Variants in VWC2L observed in about 807,000 individuals in gnomAD.
The protein encoded by VWC2L is von Willebrand factor C domain-containing protein 2-like.
In VWC2L, 10 loss-of-function variants were observed where a neutral mutation model predicts 21.6. The observed-to-expected ratio is 0.46, with a 90% CI of 0.29 to 0.78. VWC2L has a LOEUF of 0.78. VWC2L is among the 30% of genes least tolerant of loss of function. VWC2L has a pLI of 0.10. For missense variants in VWC2L, 209 were observed against 277.1 expected (o/e 0.75, Z 1.74); for synonymous variants, 96 against 94.3 (o/e 1.02, Z -0.10).
chr2:214,578,545 C>A lies in VWC2L; in HGVS notation c.*2725C>A, dbSNP rs1012424019. 6.6e-6 allele frequency: 1 copy of A among 152,240 alleles called. No individual in the cohort carries two copies. Among genetic ancestry groups the A allele is most frequent in the South Asian group, 2.1e-4 (1 of 4,822 alleles). The allele number at this position is 152,240 out of a possible 1,614,324, so 9.4% of individuals were successfully genotyped here. On this transcript the variant is annotated 3_prime_UTR_variant, in exon 4 of 4. Transcript: ENST00000312504. Reference sequence around the variant, plus strand: ...TTTTCCCCCTTTAGGGAGAGATGAACCTATACTGTGACAATTTCTCATAAA... The same window carrying A: ...TTTTCCCCCTTTAGGGAGAGATGAAACTATACTGTGACAATTTCTCATAAA...
chr2:214,514,201 C>G (rs1689104638), intron 3 of VWC2L, among the ~76,000 whole-genome samples: 1 of 150,740 alleles, frequency 6.6e-6, no homozygotes, highest in Non-Finnish European at 1.5e-5. Context: ...TTTAATTTTT[C>G]CCTGTGTAGT....
At chr2:214,482,272 T>A (rs1688613651) in intron 3 of VWC2L, among the ~76,000 whole-genome samples, 1 of 152,118 alleles carries the variant, frequency 6.6e-6, no homozygotes, top group African/African-American at 2.4e-5. Flanking sequence ...GAAAAAAGAT[T>A]TTTAATAATT....
chr2:214,515,043 T>G (rs1006540173), intron 3 of VWC2L, among the ~76,000 whole-genome samples: 13 of 152,060 alleles, frequency 8.5e-5, no homozygotes, highest in Non-Finnish European at 1.5e-4. Flanking sequence ...AAGCATTAAG[T>G]CCCTCCCTGC....
rs1366192261 is a variant in VWC2L at position 214,485,429 on chromosome 2, T to C, written c.520+48671T>C. On this transcript the variant is annotated intron_variant, in intron 3 of 3. Transcript: ENST00000312504. ...ATCTGATTTGATATCTAGCTGTCATTCATTCTCTGTGTGACTGTAGGTAAA... is the reference window on the plus strand; with the variant it reads ...ATCTGATTTGATATCTAGCTGTCATCCATTCTCTGTGTGACTGTAGGTAAA... Among the ~76,000 whole-genome samples, 3 of 152,198 alleles carry C rather than the reference T, an allele frequency of 2.0e-5. No homozygotes were observed. The East Asian group carries it at 5.8e-4, about 29-fold the overall frequency.
At chr2:214,495,790 A>G (rs1688803845) in intron 3 of VWC2L, among the ~76,000 whole-genome samples, 1 of 152,204 alleles carries the variant, frequency 6.6e-6, no homozygotes, top group African/African-American at 2.4e-5. Context: ...ATTATTTTAC[A>G]CATAAGGATA....
At chr2:214,533,268 G>C (rs1476954030) in intron 3 of VWC2L, among the ~76,000 whole-genome samples, 1 of 152,044 alleles carries the variant, frequency 6.6e-6, no homozygotes. Flanking sequence ...TATGTATGCA[G>C]ATGTATATAT....
rs761759449 is a variant in VWC2L at position 214,421,885 on chromosome 2, C to CTTTTTTTTTTTTTTTTTTTTTTTTTT, written c.390+7326_390+7327insTTTTTTTTTTTTTTTTTTTTTTTTTT. On this transcript the variant is annotated intron_variant, in intron 2 of 3. Coordinates refer to ENST00000312504, the MANE Select transcript of VWC2L (RefSeq NM_001080500.4). Reference sequence around the variant, plus strand: ...CATAATTTTTTTCTATTTCCTACATCTTTTTTTTTTTTTTTTTTTTTTTTG... The same window carrying CTTTTTTTTTTTTTTTTTTTTTTTTTT: ...CATAATTTTTTTCTATTTCCTACATCTTTTTTTTTTTTTTTTTTTTTTTTTTTTTTTTTTTTTTTTTTTTTTTTTTG... Among the ~76,000 whole-genome samples, 34 of 76,168 alleles carry CTTTTTTTTTTTTTTTTTTTTTTTTTT rather than the reference C, an allele frequency of 4.5e-4. 8 individuals carry two copies. The highest frequency in any genetic ancestry group is 1.1e-3 in the African/African-American group (18 of 15,716). The allele number at this position is 76,168 out of a possible 152,430, so 50.0% of individuals were successfully genotyped here. A position where few individuals can be genotyped will look rare whatever the true frequency, so the allele number is the denominator to read the frequency against.
Position 214,477,833 on chromosome 2 carries a change from T to C in VWC2L, c.520+41075T>C, listed in dbSNP as rs1329788148. ...CTATTACAATATTAAGAGAATTCTT[T>C]TGAAGGAAAAACAGCTGTTTTAAAA... On this transcript the variant is annotated intron_variant, in intron 3 of 3. Transcript: ENST00000312504. 3.3e-5 allele frequency among the ~76,000 whole-genome samples: 5 copies of C among 152,356 alleles called. No homozygotes were observed. The East Asian group carries it at 7.7e-4, about 24-fold the overall frequency.
At chr2:214,545,604 C>A (rs1361839178) in intron 3 of VWC2L, among the ~76,000 whole-genome samples, 1 of 152,030 alleles carries the variant, frequency 6.6e-6, no homozygotes, top group Non-Finnish European at 1.5e-5. Flanking sequence ...TCCAGAGCTG[C>A]CAGAAATCTA....
At chr2:214,472,881 GTAACACACCATAATTAGGC>G in intron 3 of VWC2L, among the ~76,000 whole-genome samples, 1 of 152,188 alleles carries the variant, frequency 6.6e-6, no homozygotes, top group African/African-American at 2.4e-5. Flanking sequence ...AAATATATGT[GTAACACACCATAATTAGGC>G]ATCTACTTGG....
intron 3 of VWC2L, among the ~76,000 whole-genome samples, chr2:214,520,069 A>ACACACACG (rs986339770): frequency 1.8e-4 from 27 of 151,334 alleles, no homozygotes; most frequent in East Asian, 1.4e-3. Flanking sequence ...ACACACACAC[A>ACACACACG]CACACACACA....
chr2:214,469,580 G>A (rs1308634297), intron 3 of VWC2L, among the ~76,000 whole-genome samples: 2 of 150,818 alleles, frequency 1.3e-5, no homozygotes, highest in South Asian at 2.1e-4. Flanking sequence ...GGGCGACAGA[G>A]GGAGACTCTG....
At chr2:214,561,095 T>G (rs530067185) in intron 3 of VWC2L, among the ~76,000 whole-genome samples, 1 of 152,342 alleles carries the variant, frequency 6.6e-6, no homozygotes, top group South Asian at 2.1e-4. Context: ...TCTCAAACTT[T>G]AGCCTGCATC....
intron 2 of VWC2L, among the ~76,000 whole-genome samples, chr2:214,431,028 A>G (rs779532590): frequency 3.9e-5 from 6 of 152,114 alleles, no homozygotes; most frequent in Non-Finnish European, 8.8e-5. Context: ...CAGTGATGCT[A>G]TGGGTCATCT....
At chr2:214,567,369 C>A (rs1423930064) in intron 3 of VWC2L, among the ~76,000 whole-genome samples, 1 of 151,970 alleles carries the variant, frequency 6.6e-6, no homozygotes, top group African/African-American at 2.4e-5. Flanking sequence ...GGCTGCCTTC[C>A]AAGATAATTG....
intron 3 of VWC2L, among the ~76,000 whole-genome samples, chr2:214,541,001 T>G (rs909510757): frequency 1.3e-5 from 2 of 152,150 alleles, no homozygotes; most frequent in African/African-American, 4.8e-5. Context: ...ACTTTTTTTC[T>G]TGAGACATGC....
intron 3 of VWC2L, among the ~76,000 whole-genome samples, chr2:214,567,571 C>CAGAGAGAG (rs1559333772): frequency 1.4e-5 from 2 of 141,380 alleles, no homozygotes; most frequent in African/African-American, 5.5e-5. Context: ...CACACACACA[C>CAGAGAGAG]ACACACACAC....
chr2:214,541,875 G>A (rs1305606212), intron 3 of VWC2L, among the ~76,000 whole-genome samples: 2 of 151,024 alleles, frequency 1.3e-5, no homozygotes, highest in African/African-American at 4.9e-5. Context: ...ATTTTAGATA[G>A]CATTAGAGTT....
intron 3 of VWC2L, among the ~76,000 whole-genome samples, chr2:214,464,341 G>T (rs1703185459): frequency 6.6e-6 from 1 of 152,160 alleles, no homozygotes; most frequent in Non-Finnish European, 1.5e-5. Flanking sequence ...TACTACAGCT[G>T]TATTTGCATT....
Sources: allele counts gnomAD v4.1 joint callset (sites outside exome capture counted in the v4.1 genomes callset), GRCh38; gene constraint gnomAD v4.1.1; transcripts MANE v1.5; gene names NCBI Gene and HGNC (gene_info 2026-07-23, HGNC 2026-07-21).